The following ZNF423 variants were observed in gnomAD, a reference collection of about 807,000 sequenced individuals.
The protein encoded by ZNF423 is zinc finger protein 423, also known as Ebf-associated zinc finger protein.
A neutral mutation model predicts 95.8 loss-of-function variants in ZNF423; 12 were observed. The observed-to-expected ratio is 0.13, with a 90% CI of 0.08 to 0.20. The LOEUF (loss-of-function observed/expected upper bound fraction) is 0.20, where lower values mean the gene tolerates loss of function less well. Ranked by LOEUF, ZNF423 falls within the 10% of genes least tolerant of loss-of-function variation. ZNF423 has a pLI of 1.00. For missense variants in ZNF423, 1,316 were observed against 1,737.1 expected (o/e 0.76, Z 4.31); for synonymous variants, 749 against 711.9 (o/e 1.05, Z -0.83).
intron 3 of ZNF423, among the ~76,000 whole-genome samples, chr16:49,717,080 C>T (rs1164277452): frequency 6.6e-6 from 1 of 152,174 alleles, no homozygotes; most frequent in Non-Finnish European, 1.5e-5. Context: ...CTTGCAAAGA[C>T]TCTCACCAAC....
At chr16:49,606,917 T>A (rs1364170655) in intron 5 of ZNF423, among the ~76,000 whole-genome samples, 1 of 151,780 alleles carries the variant, frequency 6.6e-6, no homozygotes, top group East Asian at 1.9e-4. Context: ...GCCCACCGGG[T>A]GGGGGTCTGC....
intron 1 of ZNF423, among the ~76,000 whole-genome samples, chr16:49,797,316 G>C (rs1466627064): frequency 6.6e-6 from 1 of 152,160 alleles, no homozygotes; most frequent in African/African-American, 2.4e-5. Context: ...TGGCGAGAAA[G>C]AGCTGAAATG....
intron 1 of ZNF423, among the ~76,000 whole-genome samples, chr16:49,804,362 T>C (rs1047915325): frequency 7.2e-5 from 11 of 152,250 alleles, no homozygotes; most frequent in African/African-American, 2.4e-4. Context: ...TCTTTTTTAA[T>C]GTAAGCAAGT....
intron 2 of ZNF423, among the ~76,000 whole-genome samples, chr16:49,781,116 G>A (rs992190759): frequency 6.6e-6 from 1 of 152,190 alleles, no homozygotes; most frequent in Admixed American, 6.5e-5. Context: ...GAGACCCAGC[G>A]GGGAGCAATG....
intron 2 of ZNF423, among the ~76,000 whole-genome samples, chr16:49,754,900 A>G (rs982716108): frequency 1.3e-5 from 2 of 152,240 alleles, no homozygotes; most frequent in Admixed American, 6.5e-5. Flanking sequence ...CCTGCAGACA[A>G]TTGGAACTTG....
At chr16:49,518,121 C>A in intron 7 of ZNF423, 3 of 416,886 alleles carry the variant, frequency 7.2e-6, no homozygotes, top group Non-Finnish European at 1.4e-5. Flanking sequence ...ATTCTCTCTG[C>A]AATTTATGTT....
At chr16:49,579,080 G>C (rs1970584597) in intron 5 of ZNF423, among the ~76,000 whole-genome samples, 1 of 152,178 alleles carries the variant, frequency 6.6e-6, no homozygotes, top group Non-Finnish European at 1.5e-5. Flanking sequence ...GGGTGGGAGA[G>C]ACACAGATGG....
At chr16:49,817,343 C>A (rs2034871751) in intron 1 of ZNF423, among the ~76,000 whole-genome samples, 1 of 152,194 alleles carries the variant, frequency 6.6e-6, no homozygotes, top group Non-Finnish European at 1.5e-5. Flanking sequence ...ACTATGAAGT[C>A]TTTCCCCAAA....
At chr16:49,602,510 G>GT (rs1037127399) in intron 5 of ZNF423, among the ~76,000 whole-genome samples, 1 of 152,040 alleles carries the variant, frequency 6.6e-6, no homozygotes, top group African/African-American at 2.4e-5. Context: ...CGAGTTTCGG[G>GT]TGGGGGGCAG....
chr16:49,789,672 A>AG (rs932783065), intron 1 of ZNF423, 126 bp from the exon 2 acceptor site: 5 of 836,778 alleles, frequency 6.0e-6, no homozygotes, highest in Non-Finnish European at 8.8e-6. Flanking sequence ...ACCAGGGGAG[A>AG]GGGGGCAAAG....
At chr16:49,659,387 C>G (rs1426207580) in intron 3 of ZNF423, among the ~76,000 whole-genome samples, 1 of 152,332 alleles carries the variant, frequency 6.6e-6, no homozygotes, top group South Asian at 2.1e-4. Context: ...CCACTGTGCT[C>G]GGCCGTTTTA....
chr16:49,642,814 T>C (rs1596777041), intron 3 of ZNF423, among the ~76,000 whole-genome samples: 1 of 148,944 alleles, frequency 6.7e-6, no homozygotes, highest in African/African-American at 2.5e-5. Context: ...TTTTTTTTTT[T>C]TTTTTTTTTT....
chr16:49,585,977 G>A (rs1970817910), intron 5 of ZNF423, among the ~76,000 whole-genome samples: 1 of 152,134 alleles, frequency 6.6e-6, no homozygotes, highest in African/African-American at 2.4e-5. Flanking sequence ...ATACAACTGT[G>A]ATTTCAAGCC....
At chr16:49,498,119 G>A (rs574570937) in intron 7 of ZNF423, among the ~76,000 whole-genome samples, 2 of 152,288 alleles carry the variant, frequency 1.3e-5, no homozygotes, top group African/African-American at 2.4e-5. Flanking sequence ...GATCATGATC[G>A]CTGCTAACAC....
At chr16:49,741,506 CA>C (rs145131435) in intron 2 of ZNF423, among the ~76,000 whole-genome samples, 5 of 147,946 alleles carry the variant, frequency 3.4e-5, no homozygotes, top group Admixed American at 6.7e-5. Flanking sequence ...GACTCTGTCT[CA>C]AAAAAAAAAG....
intron 2 of ZNF423, among the ~76,000 whole-genome samples, chr16:49,786,730 G>A (rs754668373): frequency 3.3e-5 from 5 of 152,268 alleles, no homozygotes; most frequent in African/African-American, 4.8e-5. Flanking sequence ...ACAGCTTGCC[G>A]ACTGGGGACC....
intron 1 of ZNF423, among the ~76,000 whole-genome samples, chr16:49,824,154 G>A (rs1195254709): frequency 1.3e-5 from 2 of 152,048 alleles, no homozygotes; most frequent in Admixed American, 1.3e-4. Flanking sequence ...AACTGGGGGG[G>A]AATGTCCCAA....
intron 1 of ZNF423, among the ~76,000 whole-genome samples, chr16:49,825,508 C>G (rs1239049644): frequency 6.6e-6 from 1 of 151,586 alleles, no homozygotes; most frequent in African/African-American, 2.4e-5. Context: ...CACAATGGCA[C>G]CGGGTCTAAC....
At chr16:49,554,514 T>A (rs374048889) in intron 5 of ZNF423, among the ~76,000 whole-genome samples, 45 of 152,206 alleles carry the variant, frequency 3.0e-4, no homozygotes, top group Middle Eastern at 3.4e-3. Flanking sequence ...GACTGGGCAG[T>A]GGGTGGTGAG....
Sources: gnomAD v4.1 joint callset for allele counts (sites outside exome capture counted in the v4.1 genomes callset) on GRCh38, gnomAD v4.1.1 for gene constraint, MANE v1.5 for transcripts, NCBI Gene and HGNC (gene_info 2026-07-23, HGNC 2026-07-21) for gene names.